PC: variants seen among roughly 807,000 people sequenced by gnomAD.
PC encodes the protein pyruvate carboxylase, mitochondrial.
PC carries 46 observed loss-of-function variants against 107.8 expected under a neutral mutation model. The observed-to-expected ratio is 0.43, with a 90% CI of 0.34 to 0.55. PC has a LOEUF of 0.55. Ranked by LOEUF, PC falls within the 20% of genes least tolerant of loss-of-function variation. The pLI, the probability that PC is intolerant of heterozygous loss-of-function variation, is 0.04. For missense variants in PC, 1,241 were observed against 1,643.1 expected, an observed-to-expected ratio of 0.76 and a Z score of 4.23; for synonymous variants, 662 against 684.7, an observed-to-expected ratio of 0.97 and a Z score of 0.52.
intron 3 of PC, among the ~76,000 whole-genome samples, chr11:66,941,476 C>CA (rs1949127533): frequency 6.6e-6 from 1 of 152,142 alleles, no homozygotes; most frequent in Non-Finnish European, 1.5e-5. Flanking sequence ...AAAATCCATA[C>CA]AACGGAATAT....
intron 1 of PC, among the ~76,000 whole-genome samples, chr11:66,957,422 G>A (rs1591328901): frequency 6.6e-6 from 1 of 152,240 alleles, no homozygotes. Context: ...TTCGAGACCA[G>A]CCTGGGCAAC....
At chr11:66,901,162 G>C (rs1947943124) in intron 3 of PC, among the ~76,000 whole-genome samples, 1 of 152,164 alleles carries the variant, frequency 6.6e-6, no homozygotes, top group Non-Finnish European at 1.5e-5. Context: ...TTGGGGAAAG[G>C]CTACCTGGTT....
At chr11:66,872,623 T>C (rs1376456899) in intron 3 of PC, among the ~76,000 whole-genome samples, 1 of 150,554 alleles carries the variant, frequency 6.6e-6, no homozygotes, top group Non-Finnish European at 1.5e-5. Context: ...TAGTCCCAGC[T>C]ACTTGGGAGG....
intron 12 of PC, among the ~76,000 whole-genome samples, chr11:66,861,749 T>C (rs1284716458): frequency 6.6e-6 from 1 of 151,876 alleles, no homozygotes; most frequent in Non-Finnish European, 1.5e-5. Flanking sequence ...CTGGTCTTGG[T>C]GCACATTTGG....
chr11:66,854,149 C>G (rs1330830525), intron 12 of PC, among the ~76,000 whole-genome samples: 1 of 152,244 alleles, frequency 6.6e-6, no homozygotes, highest in African/African-American at 2.4e-5. Context: ...CCAGAGGATT[C>G]GACCACGGCC....
chr11:66,894,893 G>A (rs929549257), intron 3 of PC, among the ~76,000 whole-genome samples: 1 of 152,068 alleles, frequency 6.6e-6, no homozygotes, highest in Non-Finnish European at 1.5e-5. Context: ...GTGGTGGCAT[G>A]CACCTGTAGT....
At chr11:66,886,943 GCCTTTGA>G (rs769771011) in intron 3 of PC, among the ~76,000 whole-genome samples, 1 of 152,218 alleles carries the variant, frequency 6.6e-6, no homozygotes, top group Non-Finnish European at 1.5e-5. Context: ...CTAGGGTCCT[GCCTTTGA>G]CCACTGTGCC....
intron 3 of PC, among the ~76,000 whole-genome samples, chr11:66,894,608 G>A (rs765895648): frequency 1.3e-5 from 2 of 152,188 alleles, no homozygotes; most frequent in South Asian, 2.1e-4. Context: ...GAGAACACCC[G>A]GGTTCCCACC....
chr11:66,873,343 AAT>A (rs1244411363), intron 3 of PC, among the ~76,000 whole-genome samples: 2 of 120,882 alleles, frequency 1.7e-5, no homozygotes, highest in Admixed American at 1.2e-4. Flanking sequence ...ATCTTTAAAA[AAT>A]ATATATATAT....
Position 66,853,366 on chromosome 11 carries a change from C to T in PC, c.1386G>A (p.Leu462=), listed in dbSNP as rs1373560585. The change falls in exon 13 of 23, where the codon CTG becomes CTA. Residue 462 remains leucine, a synonymous_variant. Coordinates refer to ENST00000393960, the MANE Select transcript of PC (RefSeq NM_001040716.2). ...VRGVKTNIAF[L]QNVLNNQQFL... Reference sequence around the variant, plus strand: ...ACTGCTGGTTGTTGAGCACATTCTGCAGGAAGGCGATGTTGGTCTGCAGGA... The same window carrying T: ...ACTGCTGGTTGTTGAGCACATTCTGTAGGAAGGCGATGTTGGTCTGCAGGA... 1 of 1,613,906 alleles carries T rather than the reference C, an allele frequency of 6.2e-7. No individual in the cohort carries two copies. The highest frequency in any genetic ancestry group is 2.2e-5 in the East Asian group (1 of 44,868).
Position 66,893,365 on chromosome 11 carries a change from G to A in PC, c.1-21206C>T, listed in dbSNP as rs59868470. Among the ~76,000 whole-genome samples the A allele has an allele frequency of 9.6e-3, 1,458 of 152,326 alleles. 28 individuals are homozygous for A. The highest frequency in any genetic ancestry group is 0.033 in the African/African-American group (1,372 of 41,566). On this transcript the variant is annotated intron_variant, in intron 3 of 22. Transcript: ENST00000393960. ...GGCCCAGAGACGGGGAGTGAGGGGA[G>A]CAGCGTAGACAGAGTCGCTTCTCCA...
At chr11:66,956,350 C>T (rs1396823333) in intron 1 of PC, among the ~76,000 whole-genome samples, 1 of 151,870 alleles carries the variant, frequency 6.6e-6, no homozygotes, top group Non-Finnish European at 1.5e-5. Context: ...TTTGGGAGGT[C>T]GAGGTGGGCG....
At chr11:66,894,616 A>G (rs902954089) in intron 3 of PC, among the ~76,000 whole-genome samples, 1 of 152,190 alleles carries the variant, frequency 6.6e-6, no homozygotes, top group Non-Finnish European at 1.5e-5. Context: ...CCGGGTTCCC[A>G]CCATCCACCA....
At position 66,872,270 on chromosome 11, in the gene PC, A is replaced by G; in HGVS notation, c.1-111T>C. ...GTGGCCCCACAGAAAGGCTAGCACC[A>G]TCTACCTCCTGATGCCTGGCCAAGC... On this transcript the variant is annotated intron_variant, in intron 3 of 22. Coordinates refer to ENST00000393960, the MANE Select transcript of PC (RefSeq NM_001040716.2). The G allele has an allele frequency of 3.1e-6, 4 of 1,276,726 alleles. No homozygotes were observed. In the South Asian group the frequency reaches 3.8e-5, roughly 12 times the overall value. The allele number at this position is 1,276,726 out of a possible 1,614,324, so 79.1% of individuals were successfully genotyped here.
chr11:66,928,489 A>G (rs1297608912), intron 3 of PC, among the ~76,000 whole-genome samples: 1 of 151,510 alleles, frequency 6.6e-6, no homozygotes, highest in African/African-American at 2.4e-5. Context: ...TCTACCTAGT[A>G]GTGCAAAAAA....
At chr11:66,862,878 C>G (rs984167071) in intron 12 of PC, among the ~76,000 whole-genome samples, 1 of 152,266 alleles carries the variant, frequency 6.6e-6, no homozygotes, top group Admixed American at 6.5e-5. Context: ...GCTCATGTCT[C>G]TGCTGCGCCC....
chr11:66,950,779 C>A (rs975039617), intron 3 of PC, among the ~76,000 whole-genome samples: 2 of 152,176 alleles, frequency 1.3e-5, no homozygotes, highest in African/African-American at 4.8e-5. Context: ...ATCTTGGATT[C>A]TGCTAAGCAG....
chr11:66,948,448 G>T (rs982011324), intron 3 of PC, among the ~76,000 whole-genome samples: 6 of 152,118 alleles, frequency 3.9e-5, no homozygotes, highest in South Asian at 2.1e-4. Context: ...TCACTCTCTG[G>T]ACTGCAGTGA....
intron 3 of PC, among the ~76,000 whole-genome samples, chr11:66,911,088 C>T (rs1591271438): frequency 2.0e-5 from 3 of 152,162 alleles, no homozygotes; most frequent in African/African-American, 4.8e-5. Context: ...GAGTCTAGCA[C>T]GGTAGAGATG....
Sources: gnomAD v4.1 joint callset for allele counts (sites outside exome capture counted in the v4.1 genomes callset) on GRCh38, gnomAD v4.1.1 for gene constraint, MANE v1.5 for transcripts, NCBI Gene and HGNC (gene_info 2026-07-23, HGNC 2026-07-21) for gene names.